Variants in RARS2 observed in about 807,000 individuals in gnomAD.
The protein encoded by RARS2 is probable arginine--tRNA ligase, mitochondrial.
Under a neutral mutation model 88.5 loss-of-function variants are expected in RARS2, and 67 were observed. That is an observed-to-expected ratio of 0.76 (90% CI 0.62 to 0.93). RARS2 has a LOEUF of 0.93. RARS2 is among the 40% of genes least tolerant of loss of function. RARS2 has a pLI of 0.00. For missense variants in RARS2, 664 were observed against 684.2 expected (o/e 0.97, Z 0.33); for synonymous variants, 239 against 230.3 (o/e 1.04, Z -0.34).
At chr6:87,545,087 C>T (rs1216743914) in intron 7 of RARS2, among the ~76,000 whole-genome samples, 2 of 152,162 alleles carry the variant, frequency 1.3e-5, no homozygotes, top group Admixed American at 6.5e-5. Flanking sequence ...CAAAAGCCTA[C>T]ATCAGGTCTT....
chr6:87,583,794 T>G (rs1279455902), intron 1 of RARS2, among the ~76,000 whole-genome samples: 1 of 152,164 alleles, frequency 6.6e-6, no homozygotes, highest in African/African-American at 2.4e-5. Context: ...CTCTAGAATT[T>G]TATAGCTGAG....
intron 7 of RARS2, among the ~76,000 whole-genome samples, chr6:87,545,375 T>C (rs1418335427): frequency 6.6e-6 from 1 of 151,952 alleles, no homozygotes; most frequent in Non-Finnish European, 1.5e-5. Context: ...TGAAATACCA[T>C]GCCTGGCCCA....
At chr6:87,533,058 AACACATGCAAAATGT>A (rs1177063205) in intron 8 of RARS2, among the ~76,000 whole-genome samples, 1 of 152,188 alleles carries the variant, frequency 6.6e-6, no homozygotes, top group African/African-American at 2.4e-5. Context: ...GTTATAAGCA[AACACATGCAAAATGT>A]CTTTATTTTC....
intron 5 of RARS2, among the ~76,000 whole-genome samples, chr6:87,555,145 A>AAATAAATAAATG (rs1299167597): frequency 2.0e-5 from 3 of 150,236 alleles, no homozygotes; most frequent in East Asian, 3.9e-4. Context: ...ATAAATAAAT[A>AAATAAATAAATG]AAGTGAATAA....
In RARS2 at chr6:87,530,945, A is replaced by G; in HGVS notation, c.613-3T>C. On this transcript the variant is annotated splice_polypyrimidine_tract_variant and splice_region_variant and intron_variant, in intron 8 of 19. Transcript: ENST00000369536. ...TCTTTATTAACTTGTACATAAACCT[A>G]AAAGTACAATAGTACATTAAATGAA... 6.2e-7 allele frequency: 1 copy of G among 1,614,032 alleles called. No homozygotes were observed. Among genetic ancestry groups the G allele is most frequent in the Non-Finnish European group, 8.5e-7 (1 of 1,179,980 alleles).
At chr6:87,563,423 A>C (rs945838850) in intron 3 of RARS2, among the ~76,000 whole-genome samples, 5 of 152,312 alleles carry the variant, frequency 3.3e-5, no homozygotes, top group Middle Eastern at 3.4e-3. Flanking sequence ...TTTCTGATCA[A>C]ATAAATATTT....
chr6:87,516,705 C>G (rs1357359333), intron 18 of RARS2, 101 bp downstream of exon 18: 4 of 1,507,096 alleles, frequency 2.7e-6, no homozygotes, highest in Non-Finnish European at 3.6e-6. Context: ...ACTAAAAGCA[C>G]ATCAAATTTT....
At chr6:87,562,815 A>T in intron 3 of RARS2, 30 bp from the exon 4 acceptor site, 2 of 1,523,838 alleles carry the variant, frequency 1.3e-6, no homozygotes, top group Non-Finnish European at 1.8e-6. Flanking sequence ...CAAAGTAGGT[A>T]TGTTATATAA....
intron 1 of RARS2, among the ~76,000 whole-genome samples, chr6:87,580,470 G>A (rs1009374786): frequency 2.6e-4 from 40 of 152,034 alleles, no homozygotes; most frequent in African/African-American, 9.2e-4. Flanking sequence ...GCAAATCTGA[G>A]GTTGAAAGCA....
At chr6:87,588,702 T>C (rs1057272358) in intron 1 of RARS2, among the ~76,000 whole-genome samples, 30 of 152,206 alleles carry the variant, frequency 2.0e-4, no homozygotes, top group African/African-American at 6.5e-4. Flanking sequence ...AAAACCTCAA[T>C]AGTTTATGCC....
chr6:87,576,052 G>A (rs767600897), intron 1 of RARS2, among the ~76,000 whole-genome samples: 1 of 148,968 alleles, frequency 6.7e-6, no homozygotes, highest in Non-Finnish European at 1.5e-5. Flanking sequence ...CACCCGCCTC[G>A]GCCTCCCAAA....
At chr6:87,577,475 G>A (rs1771924467) in intron 1 of RARS2, among the ~76,000 whole-genome samples, 2 of 152,168 alleles carry the variant, frequency 1.3e-5, no homozygotes, top group South Asian at 4.1e-4. Flanking sequence ...GGGATTATAG[G>A]TGTGAGCCAC....
chr6:87,560,888 C>CA (rs1175687962), intron 4 of RARS2, among the ~76,000 whole-genome samples: 6 of 151,668 alleles, frequency 4.0e-5, no homozygotes, highest in African/African-American at 9.7e-5. Flanking sequence ...AACTCCGTCT[C>CA]AAAAAAAACC....
At position 87,519,456 on chromosome 6, in the gene RARS2, G is replaced by A. The variant is rs1265664740; in HGVS notation, c.1237+127C>T. ...TTCTGGCACCTCTAATTAGTGAAAGGTATTTTTGACAAAGTTAGTGACACT... is the reference window on the plus strand; with the variant it reads ...TTCTGGCACCTCTAATTAGTGAAAGATATTTTTGACAAAGTTAGTGACACT... On this transcript the variant is annotated intron_variant, in intron 14 of 19. Coordinates refer to ENST00000369536, the MANE Select transcript of RARS2 (RefSeq NM_020320.5). 3 of 1,044,626 alleles carry A rather than the reference G, an allele frequency of 2.9e-6. 1 individual carries two copies. The highest frequency in any genetic ancestry group is 5.2e-5 in the East Asian group (2 of 38,832). The allele number at this position is 1,044,626 out of a possible 1,614,324, so 64.7% of individuals were successfully genotyped here. A position where few individuals can be genotyped will look rare whatever the true frequency, so the allele number is the denominator to read the frequency against.
chr6:87,578,430 G>C (rs1334738958), intron 1 of RARS2, among the ~76,000 whole-genome samples: 2 of 152,060 alleles, frequency 1.3e-5, no homozygotes, highest in Non-Finnish European at 2.9e-5. Flanking sequence ...GCATCCTTTT[G>C]TATTGCTTAA....
intron 5 of RARS2, among the ~76,000 whole-genome samples, chr6:87,551,214 A>G (rs1562172606): frequency 6.6e-6 from 1 of 152,202 alleles, no homozygotes; most frequent in Non-Finnish European, 1.5e-5. Context: ...GGAAGATACA[A>G]ATTCAATTCT....
intron 1 of RARS2, among the ~76,000 whole-genome samples, chr6:87,578,958 CAAAAAAAAAAAA>C (rs72383675): frequency 7.2e-5 from 3 of 41,886 alleles, no homozygotes; most frequent in African/African-American, 9.6e-5. Context: ...GAGACTGTCT[CAAAAAAAAAAAA>C]AAAAAAAAAA....
At position 87,518,646 on chromosome 6, in the gene RARS2, G is replaced by A; in HGVS notation, c.1399C>T (p.His467Tyr). 1 of 1,613,110 alleles carries A rather than the reference G, an allele frequency of 6.2e-7. No homozygotes were observed. The highest frequency in any genetic ancestry group is 8.5e-7 in the Non-Finnish European group (1 of 1,179,266). ...GDTGVFLQYT[H>Y]ARLHSLEETF... ...TCTTCTCACCTGTGGAGGCGGGCGT[G>A]TGTGTACTGTAGGAAGACTCCTGTG... The change falls in exon 16 of 20, where the codon CAC becomes TAC. Residue 467 changes from histidine to tyrosine, a missense_variant. Coordinates refer to ENST00000369536, the MANE Select transcript of RARS2 (RefSeq NM_020320.5).
intron 1 of RARS2, among the ~76,000 whole-genome samples, chr6:87,575,430 G>A (rs1771176385): frequency 6.6e-6 from 1 of 152,108 alleles, no homozygotes; most frequent in Non-Finnish European, 1.5e-5. Context: ...TATAAGCAAT[G>A]GAGGCTTAAT....
Sources: allele counts gnomAD v4.1 joint callset (sites outside exome capture counted in the v4.1 genomes callset), GRCh38; gene constraint gnomAD v4.1.1; transcripts MANE v1.5; gene names NCBI Gene and HGNC (gene_info 2026-07-23, HGNC 2026-07-21).